SYT14: variants seen among roughly 807,000 people sequenced by gnomAD.
The protein encoded by SYT14 is synaptotagmin 14.
SYT14 carries 32 observed loss-of-function variants against 74.2 expected under a neutral mutation model. The ratio of observed to expected loss-of-function variants is 0.43; its 90% CI spans 0.33 to 0.58. The LOEUF (loss-of-function observed/expected upper bound fraction) is 0.58, where lower values mean the gene tolerates loss of function less well. SYT14 is among the 20% of genes least tolerant of loss of function. The pLI is 0.05. For synonymous variants in SYT14, 298 were observed against 337.7 expected (o/e 0.88, Z 1.29); for missense variants, 791 against 981.8 (o/e 0.81, Z 2.60).
chr1:210,000,463 T>TATGCACACAC (rs1553264173), intron 2 of SYT14, among the ~76,000 whole-genome samples: 2 of 67,800 alleles, frequency 2.9e-5, no homozygotes, highest in Middle Eastern at 6.8e-3. Flanking sequence ...TTTGTCCTCA[T>TATGCACACAC]ACGCACACAC....
intron 5 of SYT14, among the ~76,000 whole-genome samples, chr1:210,040,856 C>T (rs1453979417): frequency 6.6e-6 from 1 of 152,072 alleles, no homozygotes; most frequent in Admixed American, 6.6e-5. Flanking sequence ...TAAAAATAAG[C>T]TCTCAATGCA....
At chr1:210,151,196 T>C (rs1222470744) in intron 7 of SYT14, among the ~76,000 whole-genome samples, 3 of 152,156 alleles carry the variant, frequency 2.0e-5, no homozygotes, top group East Asian at 1.9e-4. Context: ...CTAGTTATGA[T>C]TGGAATTTGT....
intron 5 of SYT14, among the ~76,000 whole-genome samples, chr1:210,034,025 A>G (rs2080598537): frequency 6.6e-6 from 1 of 152,006 alleles, no homozygotes; most frequent in South Asian, 2.1e-4. Flanking sequence ...AATAAAAAGT[A>G]TAGTTCTGCA....
chr1:210,137,485 A>G (rs976356528), intron 7 of SYT14, among the ~76,000 whole-genome samples: 5 of 152,218 alleles, frequency 3.3e-5, no homozygotes, highest in Admixed American at 2.0e-4. Flanking sequence ...ATTCGAATTA[A>G]GAGTCCAGAA....
intron 6 of SYT14, among the ~76,000 whole-genome samples, chr1:210,094,960 A>G (rs747494383): frequency 2.2e-4 from 34 of 152,086 alleles, no homozygotes; most frequent in African/African-American, 2.9e-4. Flanking sequence ...AGGTTACTCA[A>G]TGTTTCACAA....
At chr1:210,069,655 T>G (rs1164886123) in intron 5 of SYT14, among the ~76,000 whole-genome samples, 3 of 152,052 alleles carry the variant, frequency 2.0e-5, no homozygotes, top group Admixed American at 6.6e-5. Context: ...TTCTTTAATA[T>G]TCAACCTTTA....
chr1:209,974,836 A>G (rs2079327666), intron 2 of SYT14, among the ~76,000 whole-genome samples: 2 of 152,128 alleles, frequency 1.3e-5, no homozygotes, highest in Non-Finnish European at 2.9e-5. Flanking sequence ...GATTATTCCT[A>G]CCTATGAGCA....
intron 2 of SYT14, among the ~76,000 whole-genome samples, chr1:209,981,989 G>A (rs1281089704): frequency 1.3e-5 from 2 of 151,514 alleles, no homozygotes; most frequent in African/African-American, 2.4e-5. Flanking sequence ...GTGTTGCCTC[G>A]ATTTCTTATA....
intron 2 of SYT14, among the ~76,000 whole-genome samples, chr1:209,967,238 G>A (rs936766517): frequency 1.3e-5 from 2 of 151,954 alleles, no homozygotes; most frequent in African/African-American, 2.4e-5. Flanking sequence ...AAGACTTTTC[G>A]TGTGTCAGTA....
intron 7 of SYT14, among the ~76,000 whole-genome samples, chr1:210,110,024 A>G (rs2082232581): frequency 6.6e-6 from 1 of 152,140 alleles, no homozygotes; most frequent in Non-Finnish European, 1.5e-5. Context: ...GGAACAGAAA[A>G]CCAAACACCA....
At chr1:210,125,068 CT>C (rs568036122) in intron 7 of SYT14, among the ~76,000 whole-genome samples, 154 of 144,616 alleles carry the variant, frequency 1.1e-3, no homozygotes, top group Middle Eastern at 3.5e-3. Flanking sequence ...CATTCTTTTT[CT>C]TTTTTTTTTT....
chr1:209,956,342 G>T (rs1025383963), intron 2 of SYT14, among the ~76,000 whole-genome samples: 1 of 152,092 alleles, frequency 6.6e-6, no homozygotes, highest in African/African-American at 2.4e-5. Flanking sequence ...TTTAAATCAG[G>T]TATTTCTAGT....
chr1:210,020,850 A>AAT (rs2080285868), intron 4 of SYT14, among the ~76,000 whole-genome samples, 189 bp from the exon 4 acceptor site: 1 of 139,954 alleles, frequency 7.1e-6, no homozygotes, highest in Non-Finnish European at 1.5e-5. Context: ...GGTTGTGTAT[A>AAT]ATATATATGT....
At chr1:210,038,607 C>CT (rs2080720106) in intron 5 of SYT14, among the ~76,000 whole-genome samples, 1 of 152,008 alleles carries the variant, frequency 6.6e-6, no homozygotes, top group African/African-American at 2.4e-5. Context: ...TCTTATAGGA[C>CT]TGGTTTAGTG....
intron 9 of SYT14, 27 bp from the exon 9 acceptor site, chr1:210,160,702 G>C: frequency 6.3e-7 from 1 of 1,598,432 alleles, no homozygotes; most frequent in South Asian, 1.1e-5. Flanking sequence ...AATGATATTT[G>C]TGATACGTTG....
chr1:210,106,053 G>A lies in SYT14; in HGVS notation c.2034+5592G>A, dbSNP rs369311164. On this transcript the variant is annotated intron_variant, in intron 7 of 9. Transcript: ENST00000637265. Reference sequence around the variant, plus strand: ...ATGTCTTTTTAACAACATAAGAATGGCCTAACACAGCAGGGAATTGACTAA... The same window carrying A: ...ATGTCTTTTTAACAACATAAGAATGACCTAACACAGCAGGGAATTGACTAA... 2.0e-4 allele frequency among the ~76,000 whole-genome samples: 30 copies of A among 152,282 alleles called. No homozygotes were observed. In the Middle Eastern group the frequency reaches 0.01, roughly 52 times the overall value.
At chr1:210,041,649 G>T (rs568579734) in intron 5 of SYT14, among the ~76,000 whole-genome samples, 22 of 152,198 alleles carry the variant, frequency 1.4e-4, no homozygotes, top group African/African-American at 5.1e-4. Flanking sequence ...GTTTGTATTT[G>T]CTTATTGTTA....
chr1:210,046,017 T>C (rs1328549111), intron 5 of SYT14, among the ~76,000 whole-genome samples: 1 of 152,228 alleles, frequency 6.6e-6, no homozygotes, highest in Admixed American at 6.5e-5. Context: ...TGCTAACACA[T>C]TGAACACATT....
At chr1:210,126,457 A>G (rs1179414557) in intron 7 of SYT14, among the ~76,000 whole-genome samples, 2 of 152,268 alleles carry the variant, frequency 1.3e-5, no homozygotes, top group Admixed American at 6.5e-5. Flanking sequence ...TCTTTCAGCT[A>G]TTCTATACTT....
Sources: gnomAD v4.1 joint callset for allele counts (sites outside exome capture counted in the v4.1 genomes callset) on GRCh38, gnomAD v4.1.1 for gene constraint, MANE v1.5 for transcripts, NCBI Gene and HGNC (gene_info 2026-07-23, HGNC 2026-07-21) for gene names.